Variants in CNTNAP5 observed in about 807,000 individuals in gnomAD.
The protein encoded by CNTNAP5 is contactin-associated protein-like 5.
In CNTNAP5, 72 loss-of-function variants were observed where a neutral mutation model predicts 150.2. The observed-to-expected ratio is 0.48, with a 90% CI of 0.40 to 0.58. The LOEUF (loss-of-function observed/expected upper bound fraction) is 0.58, where lower values mean the gene tolerates loss of function less well. Ranked by LOEUF, CNTNAP5 falls within the 20% of genes least tolerant of loss-of-function variation. The pLI is 0.00. For synonymous variants in CNTNAP5, 672 were observed against 619.8 expected, an observed-to-expected ratio of 1.08 and a Z score of -1.25; for missense variants, 1,636 against 1,626.2, an observed-to-expected ratio of 1.01 and a Z score of -0.10.
chr2:124,909,913 A>T (rs1245135783), intron 22 of CNTNAP5, among the ~76,000 whole-genome samples: 1 of 143,090 alleles, frequency 7.0e-6, no homozygotes, highest in Admixed American at 7.2e-5. Flanking sequence ...TACAGAGATG[A>T]TTAATAATAT....
chr2:124,856,075 G>GGTGTGTGTGTGT (rs56676705), intron 19 of CNTNAP5, among the ~76,000 whole-genome samples: 3 of 144,234 alleles, frequency 2.1e-5, no homozygotes, highest in Admixed American at 7.0e-5. Context: ...AATAGTCCAT[G>GGTGTGTGTGTGT]GTGTGTGTGT....
At chr2:124,543,758 G>C (rs949030051) in intron 10 of CNTNAP5, among the ~76,000 whole-genome samples, 1 of 152,036 alleles carries the variant, frequency 6.6e-6, no homozygotes, top group African/African-American at 2.4e-5. Context: ...AAACTCTGTA[G>C]CATCGTCAAA....
chr2:124,462,496 A>G (rs1387037144), intron 6 of CNTNAP5, among the ~76,000 whole-genome samples: 3 of 152,226 alleles, frequency 2.0e-5, no homozygotes, highest in Non-Finnish European at 4.4e-5. Context: ...CAAGTATTAT[A>G]CAAAAATGCA....
chr2:124,271,657 TAATCTATC>T (rs1687755519), intron 3 of CNTNAP5, among the ~76,000 whole-genome samples: 1 of 131,606 alleles, frequency 7.6e-6, no homozygotes, highest in African/African-American at 2.9e-5. Flanking sequence ...AGTTTTTTTT[TAATCTATC>T]TATCTATCTA....
chr2:124,713,840 A>G (rs1045231985), intron 13 of CNTNAP5, among the ~76,000 whole-genome samples: 1 of 152,092 alleles, frequency 6.6e-6, no homozygotes, highest in African/African-American at 2.4e-5. Context: ...CAACTTCTTT[A>G]TCAAGGAGCA....
chr2:124,780,994 G>GT (rs1681437594), intron 17 of CNTNAP5, among the ~76,000 whole-genome samples: 1 of 152,194 alleles, frequency 6.6e-6, no homozygotes, highest in Non-Finnish European at 1.5e-5. Flanking sequence ...ACCCAAAAGA[G>GT]TTTTTAAAAG....
intron 8 of CNTNAP5, 129 bp downstream of exon 8, chr2:124,504,685 C>A: frequency 6.4e-6 from 5 of 783,634 alleles, no homozygotes; most frequent in Non-Finnish European, 9.8e-6. Context: ...AAATGTACTC[C>A]AAGTCTGAAG....
chr2:124,229,926 A>G (rs1024909238), intron 2 of CNTNAP5, among the ~76,000 whole-genome samples: 1 of 151,758 alleles, frequency 6.6e-6, no homozygotes, highest in Non-Finnish European at 1.5e-5. Flanking sequence ...TTTGGAAACC[A>G]TTATGTTTAT....
intron 3 of CNTNAP5, among the ~76,000 whole-genome samples, chr2:124,383,758 C>T (rs142665597): frequency 7.3e-4 from 111 of 152,280 alleles, no homozygotes; most frequent in Non-Finnish European, 9.3e-4. Context: ...TCATAACTCT[C>T]GGGTTACAGC....
At chr2:124,346,275 A>G (rs551078131) in intron 3 of CNTNAP5, among the ~76,000 whole-genome samples, 1 of 152,310 alleles carries the variant, frequency 6.6e-6, no homozygotes, top group South Asian at 2.1e-4. Flanking sequence ...ATGAAATAAG[A>G]CTAGTATTCG....
At chr2:124,148,196 G>A (rs1438694136) in intron 1 of CNTNAP5, among the ~76,000 whole-genome samples, 1 of 151,520 alleles carries the variant, frequency 6.6e-6, no homozygotes, top group Non-Finnish European at 1.5e-5. Context: ...TCTCATGATT[G>A]AAAATATTCT....
chr2:124,396,576 C>T (rs925609269), intron 3 of CNTNAP5, among the ~76,000 whole-genome samples: 2 of 152,126 alleles, frequency 1.3e-5, no homozygotes, highest in Admixed American at 1.3e-4. Flanking sequence ...CCTTTGTAAA[C>T]AATTTATCAA....
intron 2 of CNTNAP5, among the ~76,000 whole-genome samples, chr2:124,232,834 G>A (rs998796108): frequency 2.6e-5 from 4 of 151,982 alleles, no homozygotes; most frequent in African/African-American, 9.7e-5. Context: ...AGCGTTCTGG[G>A]GTATCTTTAT....
intron 3 of CNTNAP5, among the ~76,000 whole-genome samples, chr2:124,264,407 C>G (rs1193117737): frequency 2.6e-5 from 4 of 151,206 alleles, no homozygotes; most frequent in Middle Eastern, 3.4e-3. Flanking sequence ...CACACACACA[C>G]ACACACACAC....
chr2:124,614,364 A>G (rs1040587225), intron 12 of CNTNAP5, among the ~76,000 whole-genome samples: 113 of 152,206 alleles, frequency 7.4e-4, no homozygotes, highest in African/African-American at 2.7e-3. Context: ...GGGAGAGTCT[A>G]TACAGTAAAG....
rs115282406 is a variant in CNTNAP5 at position 124,265,417 on chromosome 2, C to G, written c.381+23024C>G. Among the ~76,000 whole-genome samples, 1,367 of 152,252 alleles carry G rather than the reference C, an allele frequency of 9.0e-3. 22 individuals carry two copies. The highest frequency in any genetic ancestry group is 0.031 in the African/African-American group (1,279 of 41,558). ...CACTAATGGGGTCATTATCGCCCCT[C>G]ATGACCATGGGGTGCAAATCGCCAC... On this transcript the variant is annotated intron_variant, in intron 3 of 23. Coordinates refer to ENST00000682447, the MANE Select transcript of CNTNAP5 (RefSeq NM_001367498.1).
chr2:124,640,851 G>A (rs1298031838), intron 12 of CNTNAP5, among the ~76,000 whole-genome samples: 1 of 152,036 alleles, frequency 6.6e-6, no homozygotes, highest in Non-Finnish European at 1.5e-5. Flanking sequence ...AGCAGGCTGG[G>A]CCCGGTGGCT....
chr2:124,251,572 G>A (rs921388999), intron 3 of CNTNAP5, among the ~76,000 whole-genome samples: 3 of 151,894 alleles, frequency 2.0e-5, no homozygotes, highest in Non-Finnish European at 2.9e-5. Context: ...CTGTAATTTA[G>A]GGTATCAAGC....
At chr2:124,074,637 A>G (rs1682393158) in intron 1 of CNTNAP5, among the ~76,000 whole-genome samples, 1 of 152,124 alleles carries the variant, frequency 6.6e-6, no homozygotes, top group Non-Finnish European at 1.5e-5. Flanking sequence ...TATCAGTGTC[A>G]TGGGTATTGA....
Sources: gnomAD v4.1 joint callset for allele counts (sites outside exome capture counted in the v4.1 genomes callset) on GRCh38, gnomAD v4.1.1 for gene constraint, MANE v1.5 for transcripts, NCBI Gene and HGNC (gene_info 2026-07-23, HGNC 2026-07-21) for gene names.